EMC1: variants seen among roughly 807,000 people sequenced by gnomAD.
EMC1 encodes the protein KIAA0090.
Under a neutral mutation model 128.8 loss-of-function variants are expected in EMC1, and 103 were observed. The observed-to-expected ratio is 0.80, with a 90% CI of 0.68 to 0.94. The LOEUF (loss-of-function observed/expected upper bound fraction) is 0.94, where lower values mean the gene tolerates loss of function less well. EMC1 is among the 40% of genes least tolerant of loss of function. EMC1 has a pLI of 0.00. For missense variants in EMC1, 1,083 were observed against 1,250.6 expected, an observed-to-expected ratio of 0.87 and a Z score of 2.02; for synonymous variants, 442 against 490.4, an observed-to-expected ratio of 0.90 and a Z score of 1.30.
In EMC1 at chr1:19,235,124, T is replaced by C. The variant is rs79970487; in HGVS notation, c.1432+6A>G. 42,944 of 1,613,296 alleles carry C rather than the reference T, an allele frequency of 0.027. 708 individuals carry two copies. The highest frequency in any genetic ancestry group is 0.056 in the South Asian group (5,045 of 90,900). ...ACTCTGCAGCTCCAACCTCTTAGGT[T>C]CATACCTGCCTTTTTGCCAAATTCT... On this transcript the variant is annotated splice_donor_region_variant and intron_variant, in intron 13 of 22. Coordinates refer to ENST00000477853, the MANE Select transcript of EMC1 (RefSeq NM_015047.3).
chr1:19,235,611 GA>G (rs2093557239), intron 12 of EMC1, among the ~76,000 whole-genome samples: 1 of 152,190 alleles, frequency 6.6e-6, no homozygotes, highest in African/African-American at 2.4e-5. Context: ...TGAGGCAGGA[GA>G]ATGGCGTGAA....
At chr1:19,235,762 G>A (rs1558104258) in intron 12 of EMC1, among the ~76,000 whole-genome samples, 1 of 151,888 alleles carries the variant, frequency 6.6e-6, no homozygotes, top group African/African-American at 2.4e-5. Flanking sequence ...GCATGGTGGC[G>A]AGCGCCTGTA....
chr1:19,229,721 A>C (rs567531649), intron 17 of EMC1, among the ~76,000 whole-genome samples: 4 of 152,192 alleles, frequency 2.6e-5, no homozygotes, highest in Non-Finnish European at 5.9e-5. Flanking sequence ...AGGGCGCTGC[A>C]TTTTCAAAAC....
intron 20 of EMC1, chr1:19,221,635 CAAA>C (rs34802728): frequency 7.5e-5 from 5 of 66,252 alleles, no homozygotes; most frequent in African/African-American, 1.1e-4. Context: ...GACTCTGTCT[CAAA>C]AAAAAAAAAA....
chr1:19,228,122 T>G (rs1051559171), intron 17 of EMC1, among the ~76,000 whole-genome samples: 1 of 151,224 alleles, frequency 6.6e-6, no homozygotes, highest in Admixed American at 6.6e-5. Context: ...AGAGAATCAC[T>G]TGAACCCAGG....
chr1:19,245,909 G>A (rs1202239608), intron 1 of EMC1, among the ~76,000 whole-genome samples: 1 of 151,854 alleles, frequency 6.6e-6, no homozygotes, highest in African/African-American at 2.4e-5. Context: ...TTACAGGCGT[G>A]AGTCACCACG....
rs1157662640 is a variant in EMC1, at chr1:19,243,500, G to A, written c.380+114C>T. On this transcript the variant is annotated intron_variant, in intron 4 of 22. Coordinates refer to ENST00000477853, the MANE Select transcript of EMC1 (RefSeq NM_015047.3). ...CAATGGGTACTCAATGTCAATGGCT[G>A]GCTCTTCAGTGGTCCCTGGGAAAAA... 25 of 882,502 alleles carry A rather than the reference G, an allele frequency of 2.8e-5. No homozygotes were observed. In the Admixed American group the frequency reaches 4.6e-4, roughly 16 times the overall value. 54.7% of individuals were successfully genotyped at this position (882,502 alleles called of 1,614,324 possible).
At position 19,218,595 on chromosome 1, in the gene EMC1, A is replaced by C. The variant is rs1204744267; in HGVS notation, c.*708T>G. 6.6e-6 allele frequency: 1 copy of C among 152,270 alleles called. No homozygotes were observed. Among genetic ancestry groups the C allele is most frequent in the African/African-American group, 2.4e-5 (1 of 41,466 alleles). 9.4% of individuals were successfully genotyped at this position (152,270 alleles called of 1,614,324 possible). Reference sequence around the variant, plus strand: ...ACATCTCAGGTGAAAAGTATAGGCAATGGGCAACAAACAAGACGCTAGTAT... The same window carrying C: ...ACATCTCAGGTGAAAAGTATAGGCACTGGGCAACAAACAAGACGCTAGTAT... On this transcript the variant is annotated 3_prime_UTR_variant, in exon 23 of 23. Transcript: ENST00000477853.
chr1:19,240,143 CT>C (rs2093595799), intron 7 of EMC1, 153 bp downstream of exon 7: 2 of 1,189,616 alleles, frequency 1.7e-6, no homozygotes, highest in African/African-American at 3.1e-5. Flanking sequence ...AGGAAAGTGA[CT>C]GATTTCCTCT....
intron 17 of EMC1, 55 bp from the exon 18 acceptor site, chr1:19,227,505 A>G: frequency 6.2e-7 from 1 of 1,602,826 alleles, no homozygotes. Flanking sequence ...GAACTGAAAC[A>G]GCTGGAGTTA....
At chr1:19,249,937 G>A (rs2093649479) in intron 1 of EMC1, among the ~76,000 whole-genome samples, 1 of 151,626 alleles carries the variant, frequency 6.6e-6, no homozygotes, top group African/African-American at 2.4e-5. Context: ...AAAAGTCTTG[G>A]CTGGGCGCAG....
At chr1:19,235,326 G>A in intron 12 of EMC1, 74 bp from the exon 13 acceptor site, 1 of 1,499,148 alleles carries the variant, frequency 6.7e-7, no homozygotes, top group Non-Finnish European at 9.0e-7. Context: ...CCAGCACTTT[G>A]GGAGGCCAAG....
chr1:19,249,939 T>G (rs1389216515), intron 1 of EMC1, among the ~76,000 whole-genome samples: 1 of 147,552 alleles, frequency 6.8e-6, no homozygotes, highest in Non-Finnish European at 1.5e-5. Flanking sequence ...AAGTCTTGGC[T>G]GGGCGCAGTG....
intron 18 of EMC1, among the ~76,000 whole-genome samples, 174 bp from the exon 19 acceptor site, chr1:19,223,743 G>C (rs2093449789): frequency 6.6e-6 from 1 of 152,172 alleles, no homozygotes; most frequent in African/African-American, 2.4e-5. Context: ...TGTGCATTGG[G>C]TACTGGGTGC....
rs1194147757 is a variant in EMC1 at position 19,217,718 on chromosome 1, T to C, written c.*1585A>G. ...AATTCCAGCCAGGCTTTCTCAAAAC[T>C]AGGGCAGAATTTTTTTTAACTTGTA... On this transcript the variant is annotated 3_prime_UTR_variant, in exon 23 of 23. Transcript: ENST00000477853. The C allele has an allele frequency of 6.6e-6, 1 of 152,198 alleles. No homozygotes were observed. The highest frequency in any genetic ancestry group is 2.4e-5 in the African/African-American group (1 of 41,454). The allele number at this position is 152,198 out of a possible 1,614,324, so 9.4% of individuals were successfully genotyped here.
intron 2 of EMC1, 84 bp from the exon 3 acceptor site, chr1:19,244,099 T>G: frequency 7.6e-7 from 1 of 1,311,080 alleles, no homozygotes; most frequent in Non-Finnish European, 1.1e-6. Context: ...GCTCTTCATT[T>G]GCACAGCAAT....
chr1:19,246,445 CCTT>C (rs1212095478), intron 1 of EMC1, among the ~76,000 whole-genome samples: 1 of 151,938 alleles, frequency 6.6e-6, no homozygotes, highest in African/African-American at 2.4e-5. Context: ...AGTAATGCCT[CCTT>C]ATTACAGAAA....
In EMC1 at chr1:19,239,982, G is replaced by A. The variant is rs1236371581; in HGVS notation, c.790C>T (p.Leu264Phe). 6.2e-6 allele frequency: 10 copies of A among 1,609,932 alleles called. No homozygotes were observed. The African/African-American group carries it at 1.1e-4, about 17-fold the overall frequency. The part of the protein sequence containing the change: ...WELRQIPLQS[L>F]DLEFGSGFQP... ...AATCCACTTCCAAATTCTAAGTCGA[G>A]AGACTGGAAGGCAAGAAGGAGGAGG... is the stretch of plus-strand genomic sequence containing the variant. The change falls in exon 8 of 23, where the codon CTC becomes TTC. Residue 264 changes from leucine (L) to phenylalanine (F), a missense_variant. This residue lies in a region of EMC1 where 544 missense variants were observed against 572.4 expected (regional missense o/e 0.95). Coordinates refer to ENST00000477853, the MANE Select transcript of EMC1 (RefSeq NM_015047.3).
At chr1:19,224,075 G>A (rs973432768) in intron 18 of EMC1, among the ~76,000 whole-genome samples, 2 of 152,144 alleles carry the variant, frequency 1.3e-5, no homozygotes, top group African/African-American at 2.4e-5. Context: ...TTTCTCACCT[G>A]GCTTCCAGAA....
Sources: gnomAD v4.1 joint callset for allele counts (sites outside exome capture counted in the v4.1 genomes callset) on GRCh38, gnomAD v4.1.1 for gene constraint, gnomAD v4.1.1 regional missense constraint, MANE v1.5 for transcripts, NCBI Gene and HGNC (gene_info 2026-07-23, HGNC 2026-07-21) for gene names.